Variants in FARP2 observed in about 807,000 individuals in gnomAD.
FARP2 encodes the protein FERM, ARHGEF and pleckstrin domain-containing protein 2.
In FARP2, 111 loss-of-function variants were observed where a neutral mutation model predicts 130.5. That is an observed-to-expected ratio of 0.85 (90% CI 0.73 to 1.00). The LOEUF (loss-of-function observed/expected upper bound fraction) is 1.00. Ranked by LOEUF, FARP2 falls within the 50% of genes least tolerant of loss-of-function variation. The pLI is 0.00. For synonymous variants in FARP2, 504 were observed against 516.9 expected (o/e 0.98, Z 0.34); for missense variants, 1,385 against 1,346.3 (o/e 1.03, Z -0.45).
intron 1 of FARP2, among the ~76,000 whole-genome samples, chr2:241,366,125 A>ATATATATATACGTATATATATATATACG (rs1553705676): frequency 3.0e-5 from 2 of 67,368 alleles, no homozygotes; most frequent in African/African-American, 1.1e-4. Context: ...ATATATACGT[A>ATATATATATACGTATATATATATATACG]TATATATATA....
chr2:241,465,714 G>A, intron 17 of FARP2: 2 of 1,550,790 alleles, frequency 1.3e-6, no homozygotes, highest in Non-Finnish European at 1.7e-6. Flanking sequence ...AAGGTGTGGA[G>A]CTCTGCATAA....
At chr2:241,486,266 C>T (rs78071152) in intron 21 of FARP2, among the ~76,000 whole-genome samples, 4 of 146,242 alleles carry the variant, frequency 2.7e-5, no homozygotes, top group African/African-American at 1.0e-4. Flanking sequence ...GGGAACATGG[C>T]GAAGCCAAAT....
chr2:241,491,205 G>C lies in FARP2; in HGVS notation c.2623+26G>C, dbSNP rs149385532. On this transcript the variant is annotated intron_variant, in intron 23 of 26. Coordinates refer to ENST00000264042, the MANE Select transcript of FARP2 (RefSeq NM_014808.4). ...GTGAGTGCTGGCCACAACCCCCCAG[G>C]AGACCTCCACTACACCTAAGGAGGC... The C allele has an allele frequency of 4.8e-5, 74 of 1,535,100 alleles. No homozygotes were observed. The African/African-American group carries it at 8.4e-4, about 18-fold the overall frequency.
intron 21 of FARP2, chr2:241,488,488 C>G (rs776383880): frequency 2.0e-5 from 3 of 148,540 alleles, no homozygotes; most frequent in Non-Finnish European, 4.4e-5. Context: ...ACGATCTCGG[C>G]TCACTGCAAA....
At chr2:241,438,284 A>G (rs12467294) in intron 12 of FARP2, among the ~76,000 whole-genome samples, 115,762 of 152,076 alleles carry the variant, frequency 0.76, 44,314 homozygotes, top group Middle Eastern at 0.85. Flanking sequence ...ACTGGGCACA[A>G]TGGCTCACAC....
intron 16 of FARP2, 51 bp from the exon 17 acceptor site, chr2:241,463,848 C>T (rs2064093767): frequency 1.3e-6 from 2 of 1,502,750 alleles, no homozygotes; most frequent in Admixed American, 1.7e-5. Context: ...ATTACAGTGC[C>T]TTCTGCAAGC....
chr2:241,389,181 T>C (rs558513750), intron 2 of FARP2, among the ~76,000 whole-genome samples: 1 of 151,136 alleles, frequency 6.6e-6, no homozygotes, highest in East Asian at 2.0e-4. Flanking sequence ...CTTGGGAGGC[T>C]GAGGCAGGAG....
At chr2:241,358,293 A>G (rs1324975641) in intron 1 of FARP2, among the ~76,000 whole-genome samples, 2 of 152,240 alleles carry the variant, frequency 1.3e-5, no homozygotes, top group African/African-American at 4.8e-5. Flanking sequence ...TGGACAAATA[A>G]TCCGAGTAGA....
chr2:241,389,772 A>G (rs926194231), intron 2 of FARP2, among the ~76,000 whole-genome samples: 2 of 152,160 alleles, frequency 1.3e-5, no homozygotes, highest in African/African-American at 4.8e-5. Context: ...TTTATCTTGA[A>G]TACCTTTTAA....
intron 21 of FARP2, among the ~76,000 whole-genome samples, chr2:241,484,568 T>C (rs1359308656): frequency 1.3e-5 from 2 of 152,202 alleles, no homozygotes; most frequent in Non-Finnish European, 1.5e-5. Context: ...GGTTCCCTTC[T>C]AGGGAAACCT....
intron 18 of FARP2, among the ~76,000 whole-genome samples, chr2:241,470,297 C>A (rs1056409323): frequency 6.6e-6 from 1 of 152,226 alleles, no homozygotes; most frequent in Non-Finnish European, 1.5e-5. Flanking sequence ...TGTTGTTGAT[C>A]CATTCTATCA....
chr2:241,409,064 A>C (rs1272322764), intron 5 of FARP2, among the ~76,000 whole-genome samples: 1 of 151,944 alleles, frequency 6.6e-6, no homozygotes, highest in South Asian at 2.1e-4. Context: ...AGATAGATAG[A>C]TAGATAGATA....
chr2:241,359,940 G>A (rs2061148992), intron 1 of FARP2, among the ~76,000 whole-genome samples: 2 of 152,174 alleles, frequency 1.3e-5, no homozygotes, highest in Admixed American at 1.3e-4. Flanking sequence ...ACAGGACACG[G>A]TAGCTGTTGT....
rs751675677 is a variant in FARP2, at chr2:241,462,618, A to AAG, written c.1677+7_1677+8insGA. 1.3e-6 allele frequency: 2 copies of AAG among 1,562,600 alleles called. No individual in the cohort carries two copies. Among genetic ancestry groups the AAG allele is most frequent in the South Asian group, 2.2e-5 (2 of 89,956 alleles). ...ATTTAGAAGTTATTACCGTGGTACG[A>AAG]AAGTCCTTGATTACTTTGATTTTTT... On this transcript the variant is annotated splice_region_variant and intron_variant, in intron 15 of 26. Coordinates refer to ENST00000264042, the MANE Select transcript of FARP2 (RefSeq NM_014808.4).
intron 21 of FARP2, among the ~76,000 whole-genome samples, chr2:241,487,888 C>CA (rs1456406756): frequency 6.6e-6 from 1 of 150,390 alleles, no homozygotes. Flanking sequence ...GCTGGGACTA[C>CA]AGGCGCCCGC....
intron 21 of FARP2, among the ~76,000 whole-genome samples, chr2:241,484,633 A>C (rs1342236653): frequency 6.6e-6 from 1 of 152,208 alleles, no homozygotes; most frequent in African/African-American, 2.4e-5. Context: ...TGCTCCCCGC[A>C]AGCTTAGAGT....
chr2:241,486,082 G>A (rs1215332029), intron 21 of FARP2, among the ~76,000 whole-genome samples: 2 of 152,106 alleles, frequency 1.3e-5, no homozygotes, highest in Non-Finnish European at 1.5e-5. Context: ...GACCCCATTT[G>A]TTTTAAAGTA....
At chr2:241,372,184 G>T (rs2061439782) in intron 1 of FARP2, among the ~76,000 whole-genome samples, 1 of 152,050 alleles carries the variant, frequency 6.6e-6, no homozygotes, top group Non-Finnish European at 1.5e-5. Flanking sequence ...CCTAGGCCAG[G>T]TGTTTGACCT....
chr2:241,357,423 A>AGGCC (rs1441891819), intron 1 of FARP2, among the ~76,000 whole-genome samples: 2 of 152,204 alleles, frequency 1.3e-5, no homozygotes, highest in Non-Finnish European at 2.9e-5. Context: ...CTTTACTTGT[A>AGGCC]GGCCAAATAT....
Sources: gnomAD v4.1 joint callset for allele counts (sites outside exome capture counted in the v4.1 genomes callset) on GRCh38, gnomAD v4.1.1 for gene constraint, MANE v1.5 for transcripts, NCBI Gene and HGNC (gene_info 2026-07-23, HGNC 2026-07-21) for gene names.